The following ADAM12 variants were observed in gnomAD, a reference collection of about 807,000 sequenced individuals.
ADAM12 encodes ADAM metallopeptidase domain 12, also known as disintegrin and metalloproteinase domain-containing protein 12.
Under a neutral mutation model 106.4 loss-of-function variants are expected in ADAM12, and 70 were observed. The ratio of observed to expected loss-of-function variants is 0.66; its 90% CI spans 0.54 to 0.80. The LOEUF (loss-of-function observed/expected upper bound fraction) is 0.80, where lower values mean the gene tolerates loss of function less well. ADAM12 is among the 30% of genes least tolerant of loss of function. The pLI is 0.00. For synonymous variants in ADAM12, 420 were observed against 433.5 expected (o/e 0.97, Z 0.39); for missense variants, 1,010 against 1,171.9 (o/e 0.86, Z 2.02).
Position 126,334,191 on chromosome 10 carries a change from T to C in ADAM12, c.89-3682A>G, listed in dbSNP as rs952804195. On this transcript the variant is annotated intron_variant, in intron 1 of 22. Coordinates refer to ENST00000448723, the MANE Select transcript of ADAM12 (RefSeq NM_001288973.2). ...TTTATGGAGTGATCTTATTGATAAA[T>C]TATAAACACGGGACCTGAATGATGG... is the stretch of plus-strand genomic sequence containing the variant. Among the ~76,000 whole-genome samples the C allele has an allele frequency of 3.3e-5, 5 of 152,184 alleles. No homozygotes were observed. The South Asian group carries it at 6.2e-4, about 19-fold the overall frequency.
At chr10:126,110,878 T>C (rs750745258) in intron 6 of ADAM12, among the ~76,000 whole-genome samples, 1 of 152,236 alleles carries the variant, frequency 6.6e-6, no homozygotes, top group Non-Finnish European at 1.5e-5. Context: ...GGGGGTTAAG[T>C]TGGTCTTTGG....
At chr10:126,032,810 C>G (rs531182615) in intron 21 of ADAM12, among the ~76,000 whole-genome samples, 4 of 151,878 alleles carry the variant, frequency 2.6e-5, no homozygotes, top group Admixed American at 6.6e-5. Flanking sequence ...GACTGCAAAT[C>G]TAAAACAAAT....
intron 2 of ADAM12, among the ~76,000 whole-genome samples, chr10:126,315,489 G>C (rs1449503090): frequency 2.0e-5 from 3 of 152,086 alleles, no homozygotes; most frequent in African/African-American, 7.2e-5. Context: ...TTATAACCCT[G>C]TCTGGGCAAC....
intron 3 of ADAM12, among the ~76,000 whole-genome samples, chr10:126,231,208 G>T (rs1179764540): frequency 1.3e-5 from 2 of 152,098 alleles, no homozygotes; most frequent in African/African-American, 4.8e-5. Flanking sequence ...AGGTTTGCCA[G>T]AATAGTACAG....
At chr10:126,019,143 C>G (rs113027497) in intron 22 of ADAM12, among the ~76,000 whole-genome samples, 2 of 152,042 alleles carry the variant, frequency 1.3e-5, no homozygotes, top group Non-Finnish European at 2.9e-5. Flanking sequence ...GTGGCACCTC[C>G]CCTTTTTCTC....
intron 11 of ADAM12, among the ~76,000 whole-genome samples, chr10:126,082,263 G>A (rs1028344720): frequency 7.3e-5 from 11 of 150,840 alleles, no homozygotes; most frequent in African/African-American, 9.8e-5. Context: ...CACATCTTCC[G>A]TCCATTTCCT....
chr10:126,276,955 TCA>T (rs1390017460), intron 3 of ADAM12, among the ~76,000 whole-genome samples: 1 of 152,140 alleles, frequency 6.6e-6, no homozygotes, highest in Non-Finnish European at 1.5e-5. Flanking sequence ...GGCTATTAAG[TCA>T]CATTACAAAC....
chr10:126,082,641 G>T (rs1324755410), intron 11 of ADAM12, among the ~76,000 whole-genome samples: 1 of 152,064 alleles, frequency 6.6e-6, no homozygotes, highest in East Asian at 1.9e-4. Flanking sequence ...AAAGTGCTGG[G>T]ATTACAGGCG....
intron 3 of ADAM12, among the ~76,000 whole-genome samples, chr10:126,184,406 T>C (rs573239267): frequency 2.6e-5 from 4 of 152,340 alleles, no homozygotes; most frequent in Admixed American, 1.3e-4. Context: ...AAAAGTGACC[T>C]CAAATTTTTA....
At position 126,279,653 on chromosome 10, in the gene ADAM12, G is replaced by A. The variant is rs1431697519; in HGVS notation, c.187-665C>T. 2.0e-5 allele frequency among the ~76,000 whole-genome samples: 3 copies of A among 152,034 alleles called. No individual in the cohort carries two copies. The East Asian group carries it at 5.8e-4, about 29-fold the overall frequency. ...GAAGCAGGAGAATCGCTTGAACCCGGGAGGCCGAGGTTGTAGTGAGCCAAG... is the reference window on the plus strand; with the variant it reads ...GAAGCAGGAGAATCGCTTGAACCCGAGAGGCCGAGGTTGTAGTGAGCCAAG... On this transcript the variant is annotated intron_variant, in intron 2 of 22. Coordinates refer to ENST00000448723, the MANE Select transcript of ADAM12 (RefSeq NM_001288973.2).
intron 21 of ADAM12, among the ~76,000 whole-genome samples, chr10:126,031,616 A>G (rs1370970306): frequency 3.3e-5 from 5 of 152,216 alleles, no homozygotes; most frequent in African/African-American, 1.2e-4. Flanking sequence ...AGGAATTTGG[A>G]CTTCCTTGTA....
chr10:126,155,895 A>C (rs1334604244), intron 3 of ADAM12, among the ~76,000 whole-genome samples: 2 of 152,250 alleles, frequency 1.3e-5, no homozygotes, highest in African/African-American at 2.4e-5. Context: ...ATGATTTTGC[A>C]CATCCTGAAA....
intron 16 of ADAM12, 74 bp from the exon 17 acceptor site, chr10:126,046,206 TCAAACAAAAAG>T: frequency 1.4e-6 from 2 of 1,389,034 alleles, no homozygotes; most frequent in Non-Finnish European, 2.0e-6. Flanking sequence ...ATACCTGTAT[TCAAACAAAAAG>T]CAAGCAAAAG....
chr10:126,252,820 T>A (rs1958813585), intron 3 of ADAM12, among the ~76,000 whole-genome samples: 1 of 152,084 alleles, frequency 6.6e-6, no homozygotes, highest in Non-Finnish European at 1.5e-5. Flanking sequence ...ACCACCACAG[T>A]CACACAGCTA....
intron 4 of ADAM12, among the ~76,000 whole-genome samples, chr10:126,137,492 A>T (rs1459013308): frequency 6.6e-6 from 1 of 152,216 alleles, no homozygotes; most frequent in Non-Finnish European, 1.5e-5. Context: ...TGATTCTAAA[A>T]CATTTCTGTC....
At chr10:126,051,054 A>G (rs1954468925) in intron 14 of ADAM12, among the ~76,000 whole-genome samples, 1 of 152,046 alleles carries the variant, frequency 6.6e-6, no homozygotes, top group African/African-American at 2.4e-5. Context: ...CGACACACTC[A>G]GCTCCTATTA....
In ADAM12 at chr10:126,155,207, T is replaced by C; in HGVS notation, c.339+20A>G. 6.2e-7 allele frequency: 1 copy of C among 1,612,322 alleles called. No homozygotes were observed. Among genetic ancestry groups the C allele is most frequent in the South Asian group, 1.1e-5 (1 of 91,008 alleles). ...ATCCAGTGGTGTAAGATTATGGTGATCCCAACGTGCCAGAATTACCGTGTA... is the reference window on the plus strand; with the variant it reads ...ATCCAGTGGTGTAAGATTATGGTGACCCCAACGTGCCAGAATTACCGTGTA... On this transcript the variant is annotated intron_variant, in intron 4 of 22. Transcript: ENST00000448723.
intron 3 of ADAM12, among the ~76,000 whole-genome samples, chr10:126,243,859 T>C (rs540417624): frequency 6.6e-6 from 1 of 152,184 alleles, no homozygotes; most frequent in Non-Finnish European, 1.5e-5. Context: ...GGCACAGACA[T>C]TGACAACGGG....
intron 3 of ADAM12, among the ~76,000 whole-genome samples, chr10:126,167,301 G>A (rs1957041427): frequency 1.3e-5 from 2 of 152,224 alleles, no homozygotes; most frequent in South Asian, 4.1e-4. Flanking sequence ...TAGGCATTTT[G>A]ACTTCAGAGC....
Sources: gnomAD v4.1 joint callset for allele counts (sites outside exome capture counted in the v4.1 genomes callset) on GRCh38, gnomAD v4.1.1 for gene constraint, MANE v1.5 for transcripts, NCBI Gene and HGNC (gene_info 2026-07-23, HGNC 2026-07-21) for gene names.